The following DNAAF3 variants were observed in gnomAD, a reference collection of about 807,000 sequenced individuals.
DNAAF3 encodes the protein dynein axonemal assembly factor 3.
DNAAF3 carries 40 observed loss-of-function variants against 50.9 expected under a neutral mutation model. That is an observed-to-expected ratio of 0.79 (90% CI 0.61 to 1.02). The LOEUF (loss-of-function observed/expected upper bound fraction) is 1.02, where lower values mean the gene tolerates loss of function less well. Among genes scored for constraint, DNAAF3 ranks in the 50% least tolerant of loss-of-function variants. The pLI is 0.00. For missense variants in DNAAF3, 763 were observed against 744.7 expected (o/e 1.02, Z -0.29); for synonymous variants, 327 against 322.8 (o/e 1.01, Z -0.14).
chr19:55,166,590 A>T lies in DNAAF3; in HGVS notation c.-72T>A. 1 of 1,613,862 alleles carries T rather than the reference A, an allele frequency of 6.2e-7. No individual in the cohort carries two copies. Among genetic ancestry groups the T allele is most frequent in the South Asian group, 1.1e-5 (1 of 91,064 alleles). On this transcript the variant is annotated 5_prime_UTR_variant, in exon 1 of 12. Transcript: ENST00000524407. This position sits in a 1 kb window ranked among gnomAD's most constrained non-coding sequence, Gnocchi z 4.0. ...CAGTGCAGCACTGTGGACCCGCGGC[A>T]CTCCACAACCGCTGCCCAGAGTCCC...
Position 55,161,336 on chromosome 19 carries a change from T to G in DNAAF3, c.746A>C (p.His249Pro). The change falls in exon 7 of 12, where the codon CAT (histidine) becomes CCT (proline). Residue 249 changes from histidine (H) to proline (P), a missense_variant. Transcript: ENST00000524407. The surrounding 1 kb of genome is among the most constrained non-coding windows in gnomAD (Gnocchi z 6.4). ...GGACGCCAGGGTCCGGTTGGGCACATGATAGGCGCTGGAGTCCCTGAGTTC... is the reference window on the plus strand; with the variant it reads ...GGACGCCAGGGTCCGGTTGGGCACAGGATAGGCGCTGGAGTCCCTGAGTTC... ...AFELRDSSAY[H>P]VPNRTLASGR... 1 of 1,608,498 alleles carries G rather than the reference T, an allele frequency of 6.2e-7. No homozygotes were observed. Among genetic ancestry groups the G allele is most frequent in the South Asian group, 1.1e-5 (1 of 90,808 alleles).
In DNAAF3 at chr19:55,159,098, C is replaced by A; in HGVS notation, c.1590G>T (p.Pro530=). Reference sequence around the variant, plus strand: ...TTTTGGAGTCTGACTCACAGTTGGGCGGAGCCAAGGCCCCCTGAGGCTGAG... The same window carrying A: ...TTTTGGAGTCTGACTCACAGTTGGGAGGAGCCAAGGCCCCCTGAGGCTGAG... ...VLAQPQGALA[P]PNCESDSKTG... The change falls in exon 12 of 12, where the codon CCG becomes CCT. Residue 530 remains proline (P), a synonymous_variant. Transcript: ENST00000524407. 2 of 1,608,470 alleles carry A rather than the reference C, an allele frequency of 1.2e-6. No homozygotes were observed. Among genetic ancestry groups the A allele is most frequent in the East Asian group, 4.5e-5 (2 of 44,744 alleles).
Position 55,160,959 on chromosome 19 carries a change from G to A in DNAAF3, c.912+106C>T, listed in dbSNP as rs531070034. The stretch of plus-strand genomic sequence containing the variant: ...AATGGAGTCGTTCCCACCAAGCGAC[G>A]GGCGGGGTCTGGAGCTGGGGGCGGG... On this transcript the variant is annotated intron_variant, in intron 8 of 11. Coordinates refer to ENST00000524407, the MANE Select transcript of DNAAF3 (RefSeq NM_001256715.2). The surrounding 1 kb of genome is among the most constrained non-coding windows in gnomAD (Gnocchi z 4.7). 1.0e-3 allele frequency: 1,500 copies of A among 1,454,282 alleles called. 2 individuals carry two copies. Among genetic ancestry groups the A allele is most frequent in the Non-Finnish European group, 1.3e-3 (1,394 of 1,106,426 alleles). The allele number at this position is 1,454,282 out of a possible 1,614,324, so 90.1% of individuals were successfully genotyped here. A position where few individuals can be genotyped will look rare whatever the true frequency, so the allele number is the denominator to read the frequency against.
rs1191376414 is a variant in DNAAF3, at chr19:55,159,045, G to A, written c.*17C>T. 6.4e-7 allele frequency: 1 copy of A among 1,552,880 alleles called. No homozygotes were observed. The highest frequency in any genetic ancestry group is 8.7e-7 in the Non-Finnish European group (1 of 1,151,256). ...CTGACTTTGGAAGTTGGAGATAAGG[G>A]GTGTCTAGGGGTTGGGTCAGACTCC... On this transcript the variant is annotated 3_prime_UTR_variant, in exon 12 of 12. Coordinates refer to ENST00000524407, the MANE Select transcript of DNAAF3 (RefSeq NM_001256715.2).
rs541628998 is a variant in DNAAF3, at chr19:55,164,745, G to A, written c.322+625C>T. Among the ~76,000 whole-genome samples, 317 of 152,082 alleles carry A rather than the reference G, an allele frequency of 2.1e-3. 3 individuals are homozygous for A. Among genetic ancestry groups the A allele is most frequent in the African/African-American group, 1.3e-3 (53 of 41,512 alleles). On this transcript the variant is annotated intron_variant, in intron 4 of 11. Coordinates refer to ENST00000524407, the MANE Select transcript of DNAAF3 (RefSeq NM_001256715.2). Reference sequence around the variant, plus strand: ...TCACCATGTTGAGCAGGATGGTCTCGATCTCCTGACCTCGTGATCTGCCCA... The same window carrying A: ...TCACCATGTTGAGCAGGATGGTCTCAATCTCCTGACCTCGTGATCTGCCCA...
chr19:55,163,006 T>C (rs1224956026), intron 4 of DNAAF3, among the ~76,000 whole-genome samples: 10 of 67,024 alleles, frequency 1.5e-4, no homozygotes, highest in African/African-American at 1.3e-3. Context: ...TCTTTTTTTT[T>C]TTTTTTTTTT....
chr19:55,165,670 AG>A (rs2085925737), intron 3 of DNAAF3, 187 bp downstream of exon 3: 1 of 1,084,504 alleles, frequency 9.2e-7, no homozygotes, highest in Non-Finnish European at 1.3e-6. Context: ...TCCCCACTAT[AG>A]AACCCAGGAG....
At position 55,166,548 on chromosome 19, in the gene DNAAF3, G is replaced by GC; in HGVS notation, c.-31dup. ...CTTTATCCTCCAAATATCCCGGGAC[G>GC]CCCCTTCCTCTCTGCTCAGTGCAGC... is the stretch of plus-strand genomic sequence containing the variant. On this transcript the variant is annotated 5_prime_UTR_variant, in exon 1 of 12. Transcript: ENST00000524407. The surrounding 1 kb of genome is among the most constrained non-coding windows in gnomAD (Gnocchi z 4.0). 1 of 1,614,006 alleles carries GC rather than the reference G, an allele frequency of 6.2e-7. No individual in the cohort carries two copies. The highest frequency in any genetic ancestry group is 8.5e-7 in the Non-Finnish European group (1 of 1,180,018).
rs775125989 is a variant in DNAAF3, at chr19:55,161,624, C to T, written c.663+19G>A. On this transcript the variant is annotated intron_variant, in intron 6 of 11. Transcript: ENST00000524407. This position sits in a 1 kb window ranked among gnomAD's most constrained non-coding sequence, Gnocchi z 6.4. Reference sequence around the variant, plus strand: ...GACCCAGGGGTCCAGGCCCCCAGCCCCTCTCCTGGGCCCCTCACCCCGCGG... The same window carrying T: ...GACCCAGGGGTCCAGGCCCCCAGCCTCTCTCCTGGGCCCCTCACCCCGCGG... 2.6e-6 allele frequency: 4 copies of T among 1,527,912 alleles called. No homozygotes were observed. The highest frequency in any genetic ancestry group is 2.3e-4 in the Middle Eastern group (1 of 4,316). The allele number at this position is 1,527,912 out of a possible 1,614,324, so 94.6% of individuals were successfully genotyped here. A position where few individuals can be genotyped will look rare whatever the true frequency, so the allele number is the denominator to read the frequency against.
At position 55,160,672 on chromosome 19, in the gene DNAAF3, T is replaced by A. The variant is rs1468301750; in HGVS notation, c.1016A>T (p.His339Leu). Residue 339 changes from histidine to leucine, a missense_variant, in exon 9 of 12, where the codon CAC (histidine) becomes CTC (leucine). By Grantham distance (99) the His-to-Leu change is moderately conservative. Coordinates refer to ENST00000524407, the MANE Select transcript of DNAAF3 (RefSeq NM_001256715.2). This position sits in a 1 kb window ranked among gnomAD's most constrained non-coding sequence, Gnocchi z 4.7. ...CCCTGGCTCCGGGCTTCCCTCCGCG[T>A]GCTGCTGCTCCTCCAGGTCCCCCCC... The part of the protein sequence containing the change: ...ATGGDLEEQQ[H>L]AEGSPEPGTP... The A allele has an allele frequency of 6.2e-7, 1 of 1,613,950 alleles. No homozygotes were observed. Among genetic ancestry groups the A allele is most frequent in the South Asian group, 1.1e-5 (1 of 91,084 alleles).
At chr19:55,166,711 CT>C, upstream of DNAAF3, 1 of 1,558,464 alleles carries the variant, frequency 6.4e-7, no homozygotes, top group East Asian at 2.3e-5. This position sits in a 1 kb window ranked among gnomAD's most constrained non-coding sequence, Gnocchi z 4.0. Flanking sequence ...CCTCTACAAA[CT>C]TTTGGCCAAT....
rs1344643495 is a variant in DNAAF3, at chr19:55,159,075, T to C, written c.1613A>G (p.Lys538Arg). The change falls in exon 12 of 12, where the codon AAA becomes AGA. Residue 538 changes from lysine to arginine, a missense_variant. Physicochemically the swap from Lys to Arg is conservative, Grantham distance 26 (BLOSUM62 2). Transcript: ENST00000524407. Reference sequence around the variant, plus strand: ...CTAGGGGTTGGGTCAGACTCCAGTTTTGGAGTCTGACTCACAGTTGGGCGG... The same window carrying C: ...CTAGGGGTTGGGTCAGACTCCAGTTCTGGAGTCTGACTCACAGTTGGGCGG... ...LAPPNCESDS[K>R]TGV 1 of 1,594,900 alleles carries C rather than the reference T, an allele frequency of 6.3e-7. No homozygotes were observed. The highest frequency in any genetic ancestry group is 8.6e-7 in the Non-Finnish European group (1 of 1,169,158).
chr19:55,165,768 C>A (rs1299115828), intron 3 of DNAAF3, 90 bp downstream of exon 3: 3 of 1,542,854 alleles, frequency 1.9e-6, no homozygotes, highest in Non-Finnish European at 2.6e-6. Flanking sequence ...TCTCCAGCCC[C>A]TTCATTCCTG....
Position 55,161,156 on chromosome 19 carries a change from C to G in DNAAF3, c.821G>C (p.Trp274Ser). Residue 274 changes from tryptophan (W) to serine (S), a missense_variant, in exon 8 of 12, where the codon TGG becomes TCG. Coordinates refer to ENST00000524407, the MANE Select transcript of DNAAF3 (RefSeq NM_001256715.2). The surrounding 1 kb of genome is among the most constrained non-coding windows in gnomAD (Gnocchi z 6.4). ...GAAGGGCCCCGTGGCGATGTCCCCC[C>G]AGTACCCGCGCGCTGCCACGCGCTC... is the stretch of plus-strand genomic sequence containing the variant. ...RGERVAARGY[W>S]GDIATGPFVA... 1 of 1,558,252 alleles carries G rather than the reference C, an allele frequency of 6.4e-7. No individual in the cohort carries two copies.
intron 4 of DNAAF3, among the ~76,000 whole-genome samples, chr19:55,164,669 C>T (rs934246538): frequency 1.3e-5 from 2 of 151,722 alleles, no homozygotes; most frequent in African/African-American, 2.4e-5. Context: ...GGACTACAGG[C>T]GCCTGCCACC....
intron 4 of DNAAF3, among the ~76,000 whole-genome samples, chr19:55,163,447 C>T (rs952919867): frequency 3.3e-5 from 5 of 151,676 alleles, no homozygotes; most frequent in African/African-American, 7.3e-5. Flanking sequence ...CGTGAGCCAC[C>T]GCGCCCGGCC....
In DNAAF3 at chr19:55,161,507, G is replaced by A; in HGVS notation, c.664-89C>T. ...AGCCTCCCTCAGACCCAGGAGTCCA[G>A]GTCCCCAGGCCCTCCTCCCTCAGAC... On this transcript the variant is annotated intron_variant, in intron 6 of 11. Transcript: ENST00000524407. This position sits in a 1 kb window ranked among gnomAD's most constrained non-coding sequence, Gnocchi z 6.4. The A allele has an allele frequency of 6.6e-7, 1 of 1,510,090 alleles. No individual in the cohort carries two copies. Among genetic ancestry groups the A allele is most frequent in the South Asian group, 1.3e-5 (1 of 75,846 alleles). 93.5% of individuals were successfully genotyped at this position (1,510,090 alleles called of 1,614,324 possible).
Position 55,160,522 on chromosome 19 carries a change from A to G in DNAAF3, c.1048+118T>C. On this transcript the variant is annotated intron_variant, in intron 9 of 11. Coordinates refer to ENST00000524407, the MANE Select transcript of DNAAF3 (RefSeq NM_001256715.2). This position sits in a 1 kb window ranked among gnomAD's most constrained non-coding sequence, Gnocchi z 4.7. ...AAGGGAGAGAAAGAGAGAAAAAGAG[A>G]CAGAATATCAAGAAGCCGTCACTTG... The G allele has an allele frequency of 3.3e-6, 5 of 1,515,436 alleles. No homozygotes were observed. The South Asian group carries it at 5.9e-5, about 18-fold the overall frequency. 93.9% of individuals were successfully genotyped at this position (1,515,436 alleles called of 1,614,324 possible).
At chr19:55,163,480 C>A (rs540267495) in intron 4 of DNAAF3, among the ~76,000 whole-genome samples, 1 of 151,610 alleles carries the variant, frequency 6.6e-6, no homozygotes. Context: ...CTTGTAGAGA[C>A]GGGGTCTCAC....
Sources: gnomAD v4.1 joint callset for allele counts (sites outside exome capture counted in the v4.1 genomes callset) on GRCh38, gnomAD v4.1.1 for gene constraint, Gnocchi (gnomAD v3.1) non-coding constraint, MANE v1.5 for transcripts, NCBI Gene and HGNC (gene_info 2026-07-23, HGNC 2026-07-21) for gene names.